PTGS2: variants seen among roughly 807,000 people sequenced by gnomAD.
The protein encoded by PTGS2 is prostaglandin G/H synthase 2.
In PTGS2, 14 loss-of-function variants were observed where a neutral mutation model predicts 63.8. The observed-to-expected ratio is 0.22, with a 90% confidence interval of 0.14 to 0.34. The LOEUF is 0.34. Ranked by LOEUF, PTGS2 falls within the 10% of genes least tolerant of loss-of-function variation. The probability of loss-of-function intolerance (pLI) is 1.00; values close to 1 mark genes in which losing one functional copy is unlikely to be tolerated. For missense variants in PTGS2, 533 were observed against 738.5 expected, an observed-to-expected ratio of 0.72 and a Z score of 3.23; for synonymous variants, 271 against 259.5, an observed-to-expected ratio of 1.04 and a Z score of -0.43.
chr1:186,678,914 G>T (rs917364037), intron 3 of PTGS2, 144 bp downstream of exon 3: 10 of 1,015,474 alleles, frequency 9.8e-6, no homozygotes, highest in Non-Finnish European at 1.4e-5. Flanking sequence ...TATTTTTGGC[G>T]ATTAAGATGG....
At chr1:186,678,611 T>C (rs1665823083) in intron 3 of PTGS2, among the ~76,000 whole-genome samples, 1 of 152,234 alleles carries the variant, frequency 6.6e-6, no homozygotes, top group Non-Finnish European at 1.5e-5. Flanking sequence ...CTGCACATTA[T>C]AATCTGGCAA....
In PTGS2 at chr1:186,678,953, C is replaced by T. The variant is rs371649727; in HGVS notation, c.313+105G>A. 9.5e-6 allele frequency: 13 copies of T among 1,374,410 alleles called. No individual in the cohort carries two copies. In the East Asian group the frequency reaches 1.7e-4, roughly 18 times the overall value. The allele number at this position is 1,374,410 out of a possible 1,614,324, so 85.1% of individuals were successfully genotyped here. A position where few individuals can be genotyped will look rare whatever the true frequency, so the allele number is the denominator to read the frequency against. ...GCAAACTTAAAAGCTATCTTAAAGT[C>T]TTTTTGATAAGCTTGGAAATATGTT... On this transcript the variant is annotated intron_variant, in intron 3 of 9. Coordinates refer to ENST00000367468, the MANE Select transcript of PTGS2 (RefSeq NM_000963.4).
chr1:186,679,098 A>G lies in PTGS2; in HGVS notation c.273T>C (p.Ile91=), dbSNP rs774262348. The change falls in exon 3 of 10, where the codon ATT becomes ATC. Residue 91 remains isoleucine, a synonymous_variant. Coordinates refer to ENST00000367468, the MANE Select transcript of PTGS2 (RefSeq NM_000963.4). ...TCATAATTGCATTTCGAAGGAAGGG[A>G]ATGTTATTCACAACGTTCCAAAATC... ...FKGFWNVVNN[I]PFLRNAIMSY... is the part of the protein sequence containing the mutation. 1 of 1,614,190 alleles carries G rather than the reference A, an allele frequency of 6.2e-7. No homozygotes were observed. Among genetic ancestry groups the G allele is most frequent in the Non-Finnish European group, 8.5e-7 (1 of 1,180,024 alleles).
rs1665742128 is a variant in PTGS2, at chr1:186,674,353, CT to C, written c.1814del (p.Ter605=). ...VLLKERSTEL* is the reference protein window; with the variant it reads ...VLLKERSTELX The stretch of plus-strand genomic sequence containing the variant: ...ATAAATAAATATGATCATTAGACTT[CT>C]ACAGTTCAGTCGAACGTTCTTTTAG... On this transcript the variant is annotated frameshift_variant and stop_lost, in exon 10 of 10. Coordinates refer to ENST00000367468, the MANE Select transcript of PTGS2 (RefSeq NM_000963.4). LOFTEE classifies it high-confidence loss of function. The C allele has an allele frequency of 6.3e-7, 1 of 1,595,864 alleles. No individual in the cohort carries two copies. Among genetic ancestry groups the C allele is most frequent in the Non-Finnish European group, 8.6e-7 (1 of 1,166,660 alleles).
rs1334024006 is a variant in PTGS2 at position 186,675,357 on chromosome 1, C to T, written c.1297G>A (p.Val433Ile). Residue 433 changes from valine to isoleucine, a missense_variant, in exon 9 of 10, where the codon GTA becomes ATA. Val to Ile is a conservative substitution (Grantham distance 29, BLOSUM62 3). Transcript: ENST00000367468. The stretch of plus-strand genomic sequence containing the variant: ...CTCTGGTCAATGGAAGCCTGTGATA[C>T]TTTCTGTACTGCGGGTGGAACATTC... ...GRNVPPAVQK[V>I]SQASIDQSRQ... 1.2e-6 allele frequency: 2 copies of T among 1,614,002 alleles called. No homozygotes were observed. Among genetic ancestry groups the T allele is most frequent in the East Asian group, 2.2e-5 (1 of 44,882 alleles).
rs1168795556 is a variant in PTGS2, at chr1:186,673,899, C to T, written c.*454G>A. 1 of 152,300 alleles carries T rather than the reference C, an allele frequency of 6.6e-6. No individual in the cohort carries two copies. Among genetic ancestry groups the T allele is most frequent in the Non-Finnish European group, 1.5e-5 (1 of 68,046 alleles). 9.4% of individuals were successfully genotyped at this position (152,300 alleles called of 1,614,324 possible). A position where few individuals can be genotyped will look rare whatever the true frequency, so the allele number is the denominator to read the frequency against. On this transcript the variant is annotated 3_prime_UTR_variant, in exon 10 of 10. Coordinates refer to ENST00000367468, the MANE Select transcript of PTGS2 (RefSeq NM_000963.4). ...ATATTCATTTAATAATGCACTGATA[C>T]CTGTTTTTGTTTGATGACAGAAAAA... is the stretch of plus-strand genomic sequence containing the variant.
At position 186,674,530 on chromosome 1, in the gene PTGS2, G is replaced by A; in HGVS notation, c.1638C>T (p.Asn546=). Residue 546 remains asparagine (N), a synonymous_variant, in exon 10 of 10, where the codon AAC becomes AAT. Transcript: ENST00000367468. ...FGGEVGFQII[N]TASIQSLICN... ...AGATGAGAGACTGAATTGAGGCAGT[G>A]TTGATGATTTGAAAACCCACTTCTC... The A allele has an allele frequency of 6.2e-7, 1 of 1,614,208 alleles. No individual in the cohort carries two copies. Among genetic ancestry groups the A allele is most frequent in the Non-Finnish European group, 8.5e-7 (1 of 1,180,052 alleles).
rs749451828 is a variant in PTGS2 at position 186,679,353 on chromosome 1, C to G, written c.138G>C (p.Arg46=). The G allele has an allele frequency of 6.2e-7, 1 of 1,614,138 alleles. No individual in the cohort carries two copies. The highest frequency in any genetic ancestry group is 2.2e-5 in the East Asian group (1 of 44,868). Residue 46 remains arginine, a synonymous_variant, in exon 2 of 10, where the codon CGG becomes CGC. Transcript: ENST00000367468. The part of the protein sequence containing the change: ...GFDQYKCDCT[R]TGFYGENCST... ...AGCAGTTTTCTCCATAGAATCCTGT[C>G]CGGGTACAATCGCACTTATACTGGT...
intron 7 of PTGS2, 36 bp from the exon 8 acceptor site, chr1:186,676,220 G>A (rs20434): frequency 6.6e-7 from 1 of 1,522,736 alleles, no homozygotes. Context: ...AACATTTATT[G>A]CATCTGATCA....
At chr1:186,679,872 C>T (rs4648261) in intron 1 of PTGS2, among the ~76,000 whole-genome samples, 2,672 of 152,228 alleles carry the variant, frequency 0.018, 44 homozygotes, top group Non-Finnish European at 0.03. Flanking sequence ...AAAGAACTGA[C>T]TAGAATATTT....
intron 6 of PTGS2, 59 bp downstream of exon 6, chr1:186,676,774 A>G: frequency 6.3e-7 from 1 of 1,594,554 alleles, no homozygotes; most frequent in South Asian, 1.1e-5. Flanking sequence ...ATTTTTAGGG[A>G]TTTTAAAATA....
intron 3 of PTGS2, 51 bp downstream of exon 3, chr1:186,679,007 C>A: frequency 6.4e-7 from 1 of 1,562,230 alleles, no homozygotes; most frequent in East Asian, 2.2e-5. Flanking sequence ...TATTATAAAG[C>A]ATATTTTTCT....
intron 3 of PTGS2, 31 bp downstream of exon 3, chr1:186,679,027 C>A: frequency 5.0e-6 from 8 of 1,597,244 alleles, no homozygotes; most frequent in Non-Finnish European, 6.0e-6. Flanking sequence ...TTTGAGAAGG[C>A]TAAAAACCTT....
chr1:186,672,716 T>G lies in PTGS2; in HGVS notation c.*1637A>C, dbSNP rs1456502594. 6.6e-6 allele frequency: 1 copy of G among 152,528 alleles called. No individual in the cohort carries two copies. Among genetic ancestry groups the G allele is most frequent in the Non-Finnish European group, 1.5e-5 (1 of 67,976 alleles). The allele number at this position is 152,528 out of a possible 1,614,324, so 9.4% of individuals were successfully genotyped here. ...GATATCATTTGGTTTTGTTTTTAAATAAGAAAGGGCATTAATTAGAATGGG... is the reference window on the plus strand; with the variant it reads ...GATATCATTTGGTTTTGTTTTTAAAGAAGAAAGGGCATTAATTAGAATGGG... On this transcript the variant is annotated 3_prime_UTR_variant, in exon 10 of 10. Coordinates refer to ENST00000367468, the MANE Select transcript of PTGS2 (RefSeq NM_000963.4).
At chr1:186,674,862 TC>T in intron 9 of PTGS2, 100 bp from the exon 10 acceptor site, 1 of 1,346,110 alleles carries the variant, frequency 7.4e-7, no homozygotes, top group Non-Finnish European at 1.0e-6. Flanking sequence ...CTTCTCTGTT[TC>T]CATTTGACCC....
rs201592586 is a variant in PTGS2, at chr1:186,677,661, C to T, written c.627G>A (p.Gly209=). 2.5e-6 allele frequency: 4 copies of T among 1,610,534 alleles called. No individual in the cohort carries two copies. The highest frequency in any genetic ancestry group is 4.5e-5 in the East Asian group (2 of 44,768). Residue 209 remains glycine (G), a synonymous_variant, in exon 5 of 10, where the codon GGG becomes GGA. Transcript: ENST00000367468. ...DHKRGPAFTN[G]LGHGVDLNHI... ...AACTCTATCTTACCCCATGGCCCAG[C>T]CCGTTGGTGAAAGCTGGCCCTCGCT...
At position 186,680,088 on chromosome 1, in the gene PTGS2, G is replaced by T. The variant is rs538796330; in HGVS notation, c.52+151C>A. ...GCTGGAATATCCACGGAGTTCTTTCGAACTCTAGCGGTCCAAGCTCTTTCC... is the reference window on the plus strand; with the variant it reads ...GCTGGAATATCCACGGAGTTCTTTCTAACTCTAGCGGTCCAAGCTCTTTCC... On this transcript the variant is annotated intron_variant, in intron 1 of 9. Transcript: ENST00000367468. The T allele has an allele frequency of 7.8e-5, 92 of 1,187,058 alleles. No individual in the cohort carries two copies. The African/African-American group carries it at 9.2e-4, about 12-fold the overall frequency. 73.5% of individuals were successfully genotyped at this position (1,187,058 alleles called of 1,614,324 possible).
At chr1:186,680,169 G>A in intron 1 of PTGS2, 70 bp downstream of exon 1, 1 of 1,548,564 alleles carries the variant, frequency 6.5e-7, no homozygotes, top group East Asian at 2.4e-5. Flanking sequence ...ATAGACCCAG[G>A]AGGTCAGAGC....
rs1159372450 is a variant in PTGS2 at position 186,675,398 on chromosome 1, T to C, written c.1258-2A>G. On this transcript the variant is annotated splice_acceptor_variant, in intron 8 of 9. Coordinates refer to ENST00000367468, the MANE Select transcript of PTGS2 (RefSeq NM_000963.4). LOFTEE classifies it high-confidence loss of function. ...TGGAACATTCCTACCACCAGCAACC[T>C]GTGGAAAGTAAAATTAGTTGTAAAA... The C allele has an allele frequency of 6.2e-7, 1 of 1,607,276 alleles. No homozygotes were observed. The highest frequency in any genetic ancestry group is 8.5e-7 in the Non-Finnish European group (1 of 1,178,510).
Sources: gnomAD v4.1 joint callset for allele counts (sites outside exome capture counted in the v4.1 genomes callset) on GRCh38, gnomAD v4.1.1 for gene constraint, MANE v1.5 for transcripts, NCBI Gene and HGNC (gene_info 2026-07-23, HGNC 2026-07-21) for gene names.